BIRC6: variants seen among roughly 807,000 people sequenced by gnomAD.
The protein encoded by BIRC6 is dual E2 ubiquitin-conjugating enzyme/E3 ubiquitin-protein ligase BIRC6.
A neutral mutation model predicts 503.3 loss-of-function variants in BIRC6; 98 were observed. The observed-to-expected ratio is 0.19, with a 90% confidence interval of 0.17 to 0.23. The LOEUF (loss-of-function observed/expected upper bound fraction) is 0.23. Ranked by LOEUF, BIRC6 falls within the 10% of genes least tolerant of loss-of-function variation. The pLI is 1.00. For synonymous variants in BIRC6, 2,240 were observed against 2,078.7 expected (o/e 1.08, Z -2.11); for missense variants, 5,360 against 5,806.0 (o/e 0.92, Z 2.50).
chr2:32,550,920 A>G (rs1408220688), intron 65 of BIRC6, among the ~76,000 whole-genome samples: 1 of 152,144 alleles, frequency 6.6e-6, no homozygotes, highest in African/African-American at 2.4e-5. Context: ...GACAGATCGA[A>G]GTTTGACCTT....
intron 23 of BIRC6, among the ~76,000 whole-genome samples, chr2:32,455,703 A>T (rs1266816637): frequency 6.6e-6 from 1 of 152,216 alleles, no homozygotes; most frequent in Non-Finnish European, 1.5e-5. Flanking sequence ...AAGGCACATA[A>T]TTTTTAAAAG....
At position 32,503,086 on chromosome 2, in the gene BIRC6, G is replaced by A. The variant is rs1261897024; in HGVS notation, c.9349G>A (p.Ala3117Thr). The A allele has an allele frequency of 4.3e-6, 7 of 1,609,758 alleles. No homozygotes were observed. The Admixed American group carries it at 1.2e-4, about 27-fold the overall frequency. Residue 3117 changes from alanine to threonine, a missense_variant, in exon 49 of 74, where the codon GCT becomes ACT. Ala to Thr is a moderately conservative substitution (Grantham distance 58). Around this residue, in one of 16 missense-constraint regions of BIRC6, gnomAD observed 267 missense variants for 287.6 expected, o/e 0.93. Transcript: ENST00000421745. ...CAATAATATGGTTACTAGTACAAGG[G>A]CTATTGTGAACACTGCAAGAAGTAT... is the stretch of plus-strand genomic sequence containing the variant. Reference protein sequence around the residue: ...ICNNMVTSTRAIVNTARSMVS... With the variant: ...ICNNMVTSTRTIVNTARSMVS...
Position 32,464,062 on chromosome 2 carries a change from C to T in BIRC6, c.4942-447C>T, listed in dbSNP as rs114984701. On this transcript the variant is annotated intron_variant, in intron 24 of 73. Transcript: ENST00000421745. ...CCGAAACCAGTCCCCTGCGCCTCTG[C>T]CACATCTCCCCGCATCCGTGGCAAA... Among the ~76,000 whole-genome samples the T allele has an allele frequency of 7.3e-3, 1,116 of 152,286 alleles. 7 individuals are homozygous for T. Among genetic ancestry groups the T allele is most frequent in the Middle Eastern group, 0.014 (4 of 294 alleles).
intron 3 of BIRC6, among the ~76,000 whole-genome samples, chr2:32,384,103 A>G (rs1010624387): frequency 6.6e-6 from 1 of 152,230 alleles, no homozygotes; most frequent in Non-Finnish European, 1.5e-5. Flanking sequence ...CTGCTGGAAC[A>G]TTCCTCCCTT....
rs1044656109 is a variant in BIRC6 at position 32,500,171 on chromosome 2, G to A, written c.9031+62G>A. ...GATACTATAACTGGTTTTTTTTTAAGCAATATATGGATTCATTTTCTTTTT... is the reference window on the plus strand; with the variant it reads ...GATACTATAACTGGTTTTTTTTTAAACAATATATGGATTCATTTTCTTTTT... On this transcript the variant is annotated intron_variant, in intron 46 of 73. Transcript: ENST00000421745. 8.8e-6 allele frequency: 12 copies of A among 1,370,882 alleles called. No homozygotes were observed. The African/African-American group carries it at 1.6e-4, about 18-fold the overall frequency. The allele number at this position is 1,370,882 out of a possible 1,614,324, so 84.9% of individuals were successfully genotyped here. A position where few individuals can be genotyped will look rare whatever the true frequency, so the allele number is the denominator to read the frequency against.
chr2:32,454,239 T>C (rs2047001834), intron 23 of BIRC6, among the ~76,000 whole-genome samples: 1 of 152,150 alleles, frequency 6.6e-6, no homozygotes, highest in Non-Finnish European at 1.5e-5. Flanking sequence ...ATGTTGGAAA[T>C]GGAAGAGTAA....
rs762849875 is a variant in BIRC6, at chr2:32,415,501, C to G, written c.2210C>G (p.Thr737Ser). The part of the protein sequence containing the change: ...EEENLCIDSI[T>S]PCADGIHLLV... Reference sequence around the variant, plus strand: ...GAGAATCTTTGTATAGACTCAATAACTCCTTGTGCTGACGGAATTCATTTG... The same window carrying G: ...GAGAATCTTTGTATAGACTCAATAAGTCCTTGTGCTGACGGAATTCATTTG... The change falls in exon 10 of 74, where the codon ACT becomes AGT. Residue 737 changes from threonine to serine, a missense_variant. Physicochemically the swap from Thr to Ser is moderately conservative, Grantham distance 58. Coordinates refer to ENST00000421745, the MANE Select transcript of BIRC6 (RefSeq NM_016252.4). 1 of 1,614,036 alleles carries G rather than the reference C, an allele frequency of 6.2e-7. No homozygotes were observed. Among genetic ancestry groups the G allele is most frequent in the Non-Finnish European group, 8.5e-7 (1 of 1,179,906 alleles).
At chr2:32,579,314 C>T (rs1288048117) in intron 66 of BIRC6, among the ~76,000 whole-genome samples, 2 of 151,836 alleles carry the variant, frequency 1.3e-5, no homozygotes, top group African/African-American at 4.8e-5. Flanking sequence ...CTGCCTAAAC[C>T]CAATTAATTT....
chr2:32,491,523 A>C lies in BIRC6; in HGVS notation c.8305A>C (p.Thr2769Pro), dbSNP rs755330760. Residue 2769 changes from threonine (T) to proline (P), a missense_variant, in exon 44 of 74, where the codon ACC (threonine) becomes CCC (proline). Around this residue, in one of 16 missense-constraint regions of BIRC6, gnomAD observed 2,299 missense variants for 2,267.2 expected, o/e 1.01. Coordinates refer to ENST00000421745, the MANE Select transcript of BIRC6 (RefSeq NM_016252.4). ...IHVLVKFLSGTSPHGTNQHSP... is the reference protein window; with the variant it reads ...IHVLVKFLSGPSPHGTNQHSP... Reference sequence around the variant, plus strand: ...TGTATTAGTGAAATTTCTTTCTGGCACCAGTCCACATGGAACAAATCAACA... The same window carrying C: ...TGTATTAGTGAAATTTCTTTCTGGCCCCAGTCCACATGGAACAAATCAACA... 1 of 1,613,652 alleles carries C rather than the reference A, an allele frequency of 6.2e-7. No individual in the cohort carries two copies. The highest frequency in any genetic ancestry group is 8.5e-7 in the Non-Finnish European group (1 of 1,179,702).
At chr2:32,388,071 A>C (rs2038735623) in intron 3 of BIRC6, among the ~76,000 whole-genome samples, 1 of 152,136 alleles carries the variant, frequency 6.6e-6, no homozygotes. Flanking sequence ...TTTAAAATCT[A>C]TTCTTTTAGC....
At chr2:32,451,609 A>C (rs994387284) in intron 22 of BIRC6, among the ~76,000 whole-genome samples, 27 of 152,236 alleles carry the variant, frequency 1.8e-4, no homozygotes, top group African/African-American at 5.8e-4. Context: ...ATACATATGC[A>C]TAGAGTACTT....
chr2:32,602,818 C>A (rs796249580), intron 70 of BIRC6, 188 bp from the exon 71 acceptor site: 8 of 460,816 alleles, frequency 1.7e-5, no homozygotes, highest in African/African-American at 1.6e-4. Flanking sequence ...AGTTATAATG[C>A]CTCACAAATT....
chr2:32,577,064 G>C (rs554702232), intron 66 of BIRC6, among the ~76,000 whole-genome samples: 1 of 152,186 alleles, frequency 6.6e-6, no homozygotes, highest in East Asian at 1.9e-4. Flanking sequence ...AAGGAAGCTA[G>C]TGTAATAATA....
In BIRC6 at chr2:32,461,068, T is replaced by TTCTTCTCTCC. The variant is rs2047890509; in HGVS notation, c.4754-2123_4754-2122insTCTCTCCTCT. Among the ~76,000 whole-genome samples the TTCTTCTCTCC allele has an allele frequency of 1.1e-3, 29 of 26,880 alleles. 2 individuals carry two copies. Among genetic ancestry groups the TTCTTCTCTCC allele is most frequent in the African/African-American group, 3.0e-3 (27 of 8,984 alleles). The allele number at this position is 26,880 out of a possible 152,430, so 17.6% of individuals were successfully genotyped here. On this transcript the variant is annotated intron_variant, in intron 23 of 73. Transcript: ENST00000421745. ...TTCTCTTCTCTTCTCTTCTCTTCTG[T>TTCTTCTCTCC]TCTCCTCTCCTCTCCTCTCCTCTCC...
chr2:32,411,442 T>A (rs929971190), intron 9 of BIRC6, among the ~76,000 whole-genome samples: 15 of 147,834 alleles, frequency 1.0e-4, no homozygotes, highest in African/African-American at 3.2e-4. Flanking sequence ...TTTTTTTTTT[T>A]AAATTTTCTA....
At chr2:32,362,180 G>A (rs1334561023) in intron 1 of BIRC6, among the ~76,000 whole-genome samples, 7 of 152,026 alleles carry the variant, frequency 4.6e-5, no homozygotes, top group Non-Finnish European at 1.0e-4. Flanking sequence ...CCAGCATTTG[G>A]GGGTTTTATA....
In BIRC6 at chr2:32,505,319, T is replaced by C. The variant is rs140647555; in HGVS notation, c.9700+114T>C. On this transcript the variant is annotated intron_variant, in intron 50 of 73. Transcript: ENST00000421745. ...ACTTAGGTGTGATTACCAGAGAGTG[T>C]AACTTCTGAACAGTTTTTATTGAAA... 1.4e-4 allele frequency: 121 copies of C among 844,828 alleles called. No homozygotes were observed. In the African/African-American group the frequency reaches 1.8e-3, roughly 13 times the overall value. 52.3% of individuals were successfully genotyped at this position (844,828 alleles called of 1,614,324 possible).
At chr2:32,463,901 T>C (rs1190285726) in intron 24 of BIRC6, among the ~76,000 whole-genome samples, 2 of 152,174 alleles carry the variant, frequency 1.3e-5, no homozygotes, top group Non-Finnish European at 2.9e-5. Flanking sequence ...GAGCTCCATC[T>C]CCTTTTAGAT....
intron 44 of BIRC6, 146 bp from the exon 45 acceptor site, chr2:32,493,394 C>G: frequency 8.1e-6 from 5 of 617,284 alleles, no homozygotes; most frequent in Non-Finnish European, 1.3e-5. Context: ...AAATTCATTT[C>G]CTGCTATCAT....
Sources: gnomAD v4.1 joint callset for allele counts (sites outside exome capture counted in the v4.1 genomes callset) on GRCh38, gnomAD v4.1.1 for gene constraint, gnomAD v4.1.1 regional missense constraint, MANE v1.5 for transcripts, NCBI Gene and HGNC (gene_info 2026-07-23, HGNC 2026-07-21) for gene names.